CCDC146: variants seen among roughly 807,000 people sequenced by gnomAD.
CCDC146 encodes coiled-coil domain containing 146.
In CCDC146, 92 loss-of-function variants were observed where a neutral mutation model predicts 119.3. The observed-to-expected ratio is 0.77, with a 90% CI of 0.65 to 0.92. The LOEUF is 0.92. Among genes scored for constraint, CCDC146 ranks in the 40% least tolerant of loss-of-function variants. CCDC146 has a pLI of 0.00. For missense variants in CCDC146, 1,000 were observed against 1,103.0 expected, an observed-to-expected ratio of 0.91 and a Z score of 1.32; for synonymous variants, 372 against 371.8, an observed-to-expected ratio of 1.00 and a Z score of -0.01.
chr7:77,207,909 A>G (rs986381361), intron 2 of CCDC146, among the ~76,000 whole-genome samples: 1 of 152,238 alleles, frequency 6.6e-6, no homozygotes, highest in African/African-American at 2.4e-5. Flanking sequence ...AAATGTACAG[A>G]TCTACCTCTT....
At chr7:77,130,640 C>T (rs1158755790) in intron 1 of CCDC146, among the ~76,000 whole-genome samples, 11 of 148,140 alleles carry the variant, frequency 7.4e-5, no homozygotes, top group Admixed American at 1.3e-4. Flanking sequence ...GCTCTGTCGC[C>T]CAGGCTGGAG....
chr7:77,158,099 A>G (rs1310488423), intron 1 of CCDC146, among the ~76,000 whole-genome samples: 7 of 152,038 alleles, frequency 4.6e-5, no homozygotes, highest in Admixed American at 1.3e-4. Flanking sequence ...GCTACCAGTT[A>G]CTTTTTCAGC....
intron 1 of CCDC146, among the ~76,000 whole-genome samples, chr7:77,146,412 C>CATTT (rs1791020570): frequency 1.3e-5 from 2 of 149,294 alleles, no homozygotes; most frequent in Admixed American, 6.7e-5. Flanking sequence ...TAGCCCATAA[C>CATTT]AAGCTTAATA....
intron 2 of CCDC146, among the ~76,000 whole-genome samples, chr7:77,200,090 T>C (rs1404847705): frequency 2.6e-5 from 4 of 152,266 alleles, no homozygotes; most frequent in African/African-American, 9.6e-5. Flanking sequence ...CTTGCATTTC[T>C]AAAGTAATTT....
chr7:77,158,681 G>A (rs1287403543), intron 1 of CCDC146, among the ~76,000 whole-genome samples: 2 of 151,784 alleles, frequency 1.3e-5, no homozygotes, highest in Non-Finnish European at 2.9e-5. Context: ...CACCATGCCC[G>A]GCTAATTTTT....
At chr7:77,238,410 C>A (rs900718697) in intron 3 of CCDC146, among the ~76,000 whole-genome samples, 1 of 152,068 alleles carries the variant, frequency 6.6e-6, no homozygotes, top group Non-Finnish European at 1.5e-5. Context: ...TGTTTCCTGC[C>A]CTCTGGATAG....
chr7:77,213,152 G>A (rs996578110), intron 2 of CCDC146, among the ~76,000 whole-genome samples: 7 of 151,792 alleles, frequency 4.6e-5, no homozygotes, highest in South Asian at 2.1e-4. Flanking sequence ...GTGCAGTGGC[G>A]CAATTACAGC....
intron 2 of CCDC146, among the ~76,000 whole-genome samples, chr7:77,207,086 G>T (rs952408930): frequency 1.3e-5 from 2 of 152,056 alleles, no homozygotes; most frequent in Non-Finnish European, 2.9e-5. Context: ...TTTCCACTGT[G>T]CTGGTAACTA....
chr7:77,163,860 C>CTTTTTTTTTTTTTTT (rs530810388), intron 1 of CCDC146, among the ~76,000 whole-genome samples: 3 of 110,040 alleles, frequency 2.7e-5, no homozygotes, highest in African/African-American at 7.1e-5. Context: ...TCTTTTTTTT[C>CTTTTTTTTTTTTTTT]TTTTTTTTTT....
In CCDC146 at chr7:77,223,805, G is replaced by A. The variant is rs17159697; in HGVS notation, c.157-13142G>A. Among the ~76,000 whole-genome samples, 1,300 of 152,264 alleles carry A rather than the reference G, an allele frequency of 8.5e-3. 20 individuals are homozygous for A. Among genetic ancestry groups the A allele is most frequent in the African/African-American group, 0.029 (1,221 of 41,540 alleles). ...AGGACTCAAAGATGAATAGAGCAGG[G>A]TTCCTGTCATCAAGGAATGCACAGT... is the stretch of plus-strand genomic sequence containing the variant. On this transcript the variant is annotated intron_variant, in intron 2 of 18. Coordinates refer to ENST00000285871, the MANE Select transcript of CCDC146 (RefSeq NM_020879.3).
At chr7:77,187,876 AATTTTTATAATC>A in intron 2 of CCDC146, among the ~76,000 whole-genome samples, 1 of 152,048 alleles carries the variant, frequency 6.6e-6, no homozygotes, top group Non-Finnish European at 1.5e-5. Flanking sequence ...TCTACAACTG[AATTTTTATAATC>A]TACATTTGAT....
intron 2 of CCDC146, among the ~76,000 whole-genome samples, chr7:77,173,904 G>A (rs1791464315): frequency 6.6e-6 from 1 of 152,120 alleles, no homozygotes; most frequent in Non-Finnish European, 1.5e-5. Flanking sequence ...TAACCAACAT[G>A]TCCATAACTG....
At chr7:77,173,046 T>G (rs1197017431) in intron 2 of CCDC146, among the ~76,000 whole-genome samples, 5 of 151,694 alleles carry the variant, frequency 3.3e-5, no homozygotes, top group African/African-American at 9.7e-5. Flanking sequence ...TGAGAACACA[T>G]GGACACAGAG....
intron 1 of CCDC146, among the ~76,000 whole-genome samples, chr7:77,152,887 C>T (rs529121400): frequency 2.0e-5 from 3 of 152,104 alleles, no homozygotes; most frequent in Non-Finnish European, 2.9e-5. Context: ...TTATTGAGGC[C>T]AATATGCTGA....
chr7:77,132,353 G>A (rs1242575190), intron 1 of CCDC146, among the ~76,000 whole-genome samples: 2 of 151,840 alleles, frequency 1.3e-5, no homozygotes, highest in Non-Finnish European at 2.9e-5. Flanking sequence ...TCAATAATAT[G>A]GGAAAAGGAT....
intron 9 of CCDC146, among the ~76,000 whole-genome samples, chr7:77,266,210 T>C (rs1393020319): frequency 6.6e-6 from 1 of 152,232 alleles, no homozygotes; most frequent in Non-Finnish European, 1.5e-5. Context: ...CAAAATCCTC[T>C]TACCAAGTGA....
chr7:77,152,370 G>C (rs1272003557), intron 1 of CCDC146, among the ~76,000 whole-genome samples: 1 of 152,174 alleles, frequency 6.6e-6, no homozygotes, highest in African/African-American at 2.4e-5. Flanking sequence ...GCTGCCCCAG[G>C]AGAGAGAAAG....
At chr7:77,238,029 T>C (rs1278442924) in intron 3 of CCDC146, among the ~76,000 whole-genome samples, 1 of 152,172 alleles carries the variant, frequency 6.6e-6, no homozygotes, top group African/African-American at 2.4e-5. Flanking sequence ...CCCAGAGATA[T>C]TTGGCTACTT....
intron 2 of CCDC146, among the ~76,000 whole-genome samples, chr7:77,223,372 C>T (rs1368826587): frequency 6.6e-6 from 1 of 152,214 alleles, no homozygotes; most frequent in Non-Finnish European, 1.5e-5. Context: ...ACCCACCTTG[C>T]CCATCGCATT....
Sources: allele counts gnomAD v4.1 joint callset (sites outside exome capture counted in the v4.1 genomes callset), GRCh38; gene constraint gnomAD v4.1.1; transcripts MANE v1.5; gene names NCBI Gene and HGNC (gene_info 2026-07-23, HGNC 2026-07-21).